GRIK2: variants seen among roughly 807,000 people sequenced by gnomAD.
GRIK2 encodes the protein glutamate receptor ionotropic, kainate 2.
In GRIK2, 32 loss-of-function variants were observed where a neutral mutation model predicts 100.3. The ratio of observed to expected loss-of-function variants is 0.32; its 90% CI spans 0.24 to 0.43. The LOEUF (loss-of-function observed/expected upper bound fraction) is 0.43, where lower values mean the gene tolerates loss of function less well. Among genes scored for constraint, GRIK2 ranks in the 20% least tolerant of loss-of-function variants. GRIK2 has a pLI of 1.00. For synonymous variants in GRIK2, 417 were observed against 389.4 expected (o/e 1.07, Z -0.83); for missense variants, 843 against 1,114.9 (o/e 0.76, Z 3.47).
At chr6:101,423,281 AC>A (rs2128240811) in intron 2 of GRIK2, among the ~76,000 whole-genome samples, 1 of 152,124 alleles carries the variant, frequency 6.6e-6, no homozygotes, top group African/African-American at 2.4e-5. Flanking sequence ...ATCAAGAGAG[AC>A]CCCCATTTTA....
chr6:101,452,755 T>TA (rs1187971647), intron 2 of GRIK2, among the ~76,000 whole-genome samples: 1 of 151,742 alleles, frequency 6.6e-6, no homozygotes, highest in Non-Finnish European at 1.5e-5. Context: ...TCTTGTGTTT[T>TA]AAAAAAAACC....
intron 11 of GRIK2, among the ~76,000 whole-genome samples, chr6:101,863,496 T>C (rs1440145376): frequency 6.6e-6 from 1 of 152,226 alleles, no homozygotes; most frequent in African/African-American, 2.4e-5. Flanking sequence ...CTACTACCTC[T>C]GGCACTTAAT....
At chr6:101,996,516 G>A (rs1794658149) in intron 14 of GRIK2, among the ~76,000 whole-genome samples, 1 of 152,046 alleles carries the variant, frequency 6.6e-6, no homozygotes, top group South Asian at 2.1e-4. Flanking sequence ...GGATCTTCAT[G>A]TTTGGATTGT....
chr6:101,670,864 A>G (rs1232895534), intron 4 of GRIK2, among the ~76,000 whole-genome samples: 2 of 152,178 alleles, frequency 1.3e-5, no homozygotes, highest in African/African-American at 4.8e-5. Flanking sequence ...TACATGTTAA[A>G]CCATAGATGA....
intron 2 of GRIK2, among the ~76,000 whole-genome samples, chr6:101,523,442 T>G (rs181496630): frequency 1.3e-5 from 2 of 152,230 alleles, no homozygotes; most frequent in Admixed American, 6.5e-5. Context: ...AAGTACAGCA[T>G]AAGGGATACA....
intron 2 of GRIK2, among the ~76,000 whole-genome samples, chr6:101,507,497 A>T (rs1167071278): frequency 2.0e-5 from 3 of 151,036 alleles, no homozygotes; most frequent in African/African-American, 4.9e-5. Flanking sequence ...ACTTAGGTTT[A>T]AAAAAAATTA....
chr6:101,397,112 A>G (rs1031998974), intron 1 of GRIK2, among the ~76,000 whole-genome samples: 1 of 152,220 alleles, frequency 6.6e-6, no homozygotes, highest in African/African-American at 2.4e-5. Flanking sequence ...GAGATGTGGT[A>G]CATTTTGTTT....
At chr6:101,889,902 A>G in intron 12 of GRIK2, 39 bp downstream of exon 12, 3 of 1,127,616 alleles carry the variant, frequency 2.7e-6, no homozygotes, top group Non-Finnish European at 2.7e-6. Flanking sequence ...GGCAATTGTT[A>G]CCTCCTTTAT....
chr6:101,782,622 G>T (rs1779167101), intron 7 of GRIK2, among the ~76,000 whole-genome samples: 1 of 152,046 alleles, frequency 6.6e-6, no homozygotes. Context: ...TGAACACTTA[G>T]GTTGATTCCA....
intron 16 of GRIK2, among the ~76,000 whole-genome samples, chr6:102,063,735 C>A: frequency 7.0e-6 from 1 of 143,832 alleles, no homozygotes. Flanking sequence ...CTTATTACAT[C>A]CAAAATACAA....
chr6:101,857,173 C>G (rs1784466778), intron 10 of GRIK2, among the ~76,000 whole-genome samples: 1 of 151,494 alleles, frequency 6.6e-6, no homozygotes, highest in African/African-American at 2.4e-5. Flanking sequence ...AAATGTGCCT[C>G]TGTCTCCAAG....
At chr6:101,744,122 T>G (rs1304922140) in intron 7 of GRIK2, among the ~76,000 whole-genome samples, 1 of 152,034 alleles carries the variant, frequency 6.6e-6, no homozygotes, top group Non-Finnish European at 1.5e-5. Context: ...TTTTGTGTTT[T>G]TAGTAGAGAC....
intron 10 of GRIK2, among the ~76,000 whole-genome samples, chr6:101,841,434 G>T (rs1052103984): frequency 1.3e-5 from 2 of 151,278 alleles, no homozygotes; most frequent in South Asian, 4.2e-4. Flanking sequence ...AGCAATCTCA[G>T]CCCACTGCAA....
At chr6:101,823,174 C>T (rs1427711417) in intron 10 of GRIK2, among the ~76,000 whole-genome samples, 1 of 152,064 alleles carries the variant, frequency 6.6e-6, no homozygotes. Context: ...ATCTCAGATT[C>T]TCCTGGGCAA....
chr6:101,788,074 G>A (rs1779557896), intron 7 of GRIK2, among the ~76,000 whole-genome samples: 1 of 151,790 alleles, frequency 6.6e-6, no homozygotes, highest in African/African-American at 2.4e-5. Flanking sequence ...ACTGTTTTTT[G>A]ACTTAAAGTT....
intron 4 of GRIK2, among the ~76,000 whole-genome samples, chr6:101,637,398 CTCTTT>C (rs1781073875): frequency 6.6e-6 from 1 of 152,096 alleles, no homozygotes; most frequent in Non-Finnish European, 1.5e-5. Flanking sequence ...CTGAATTTCC[CTCTTT>C]ATTGGGTTGC....
intron 2 of GRIK2, among the ~76,000 whole-genome samples, chr6:101,428,363 A>G (rs1769173782): frequency 6.6e-6 from 1 of 152,154 alleles, no homozygotes; most frequent in African/African-American, 2.4e-5. Flanking sequence ...GGTTACAGAT[A>G]TTTTTACAGA....
At chr6:102,035,934 G>C (rs571842083) in intron 15 of GRIK2, among the ~76,000 whole-genome samples, 3 of 151,304 alleles carry the variant, frequency 2.0e-5, no homozygotes, top group African/African-American at 4.8e-5. Flanking sequence ...TACAAATATA[G>C]TATTTGACTT....
intron 2 of GRIK2, among the ~76,000 whole-genome samples, chr6:101,515,682 T>C (rs1774551472): frequency 6.6e-6 from 1 of 152,210 alleles, no homozygotes; most frequent in South Asian, 2.1e-4. Context: ...TTGAGCATTT[T>C]TTCATATGTT....
Sources: allele counts gnomAD v4.1 joint callset (sites outside exome capture counted in the v4.1 genomes callset), GRCh38; gene constraint gnomAD v4.1.1; transcripts MANE v1.5; gene names NCBI Gene and HGNC (gene_info 2026-07-23, HGNC 2026-07-21).